The following CSMD1 variants were observed in gnomAD, a reference collection of about 807,000 sequenced individuals.
CSMD1 encodes CUB and sushi domain-containing protein 1.
A neutral mutation model predicts 417.5 loss-of-function variants in CSMD1; 213 were observed. That is an observed-to-expected ratio of 0.51 (90% confidence interval 0.46 to 0.57). The LOEUF is 0.57. CSMD1 is among the 20% of genes least tolerant of loss of function. The pLI, the probability that CSMD1 is intolerant of heterozygous loss-of-function variation, is 0.00. For synonymous variants in CSMD1, 2,862 were observed against 1,736.8 expected, an observed-to-expected ratio of 1.65 and a Z score of -16.11; for missense variants, 6,923 against 4,529.7, an observed-to-expected ratio of 1.53 and a Z score of -15.17.
At position 4,724,456 on chromosome 8, in the gene CSMD1, A is replaced by G. The variant is rs566763620; in HGVS notation, c.86-86898T>C. On this transcript the variant is annotated intron_variant, in intron 1 of 69. Coordinates refer to ENST00000635120, the MANE Select transcript of CSMD1 (RefSeq NM_033225.6). ...TAACAGATTCAAATATAATATTTAC[A>G]TTACTTATAAGTAGCTGGGAGTTCA... Among the ~76,000 whole-genome samples the G allele has an allele frequency of 1.5e-3, 227 of 152,080 alleles. 7 individuals are homozygous for G. The South Asian group carries it at 0.041, about 27-fold the overall frequency.
At chr8:3,094,905 CTCTG>C (rs1815193912) in intron 47 of CSMD1, among the ~76,000 whole-genome samples, 1 of 150,734 alleles carries the variant, frequency 6.6e-6, no homozygotes, top group Non-Finnish European at 1.5e-5. Context: ...TCACATAAAA[CTCTG>C]ACCTTTCACT....
intron 3 of CSMD1, among the ~76,000 whole-genome samples, chr8:4,312,161 C>T (rs79175261): frequency 0.024 from 3,687 of 151,850 alleles, 95 homozygotes; most frequent in African/African-American, 0.071. Context: ...ACGCTTCCTA[C>T]GTGCATTTAG....
chr8:3,620,360 T>C (rs1435381676), intron 7 of CSMD1, among the ~76,000 whole-genome samples: 1 of 152,066 alleles, frequency 6.6e-6, no homozygotes, highest in Non-Finnish European at 1.5e-5. Context: ...CTAGTACAGG[T>C]AAATACATGA....
intron 3 of CSMD1, among the ~76,000 whole-genome samples, chr8:4,360,134 T>A (rs1375999840): frequency 2.6e-5 from 4 of 152,140 alleles, no homozygotes; most frequent in Non-Finnish European, 5.9e-5. Flanking sequence ...GGTTTGGCTG[T>A]GAGGATGATC....
intron 5 of CSMD1, among the ~76,000 whole-genome samples, chr8:3,992,270 C>T (rs1342692614): frequency 1.3e-5 from 2 of 151,924 alleles, no homozygotes; most frequent in South Asian, 2.1e-4. Flanking sequence ...TTTCATGAAC[C>T]AGCATAACTT....
chr8:4,942,815 G>A (rs1585377381), intron 1 of CSMD1, among the ~76,000 whole-genome samples: 1 of 152,208 alleles, frequency 6.6e-6, no homozygotes, highest in Admixed American at 6.5e-5. Flanking sequence ...AAATGAAGCT[G>A]TGATAATAGG....
intron 39 of CSMD1, among the ~76,000 whole-genome samples, chr8:3,155,574 A>C (rs965958509): frequency 2.6e-5 from 4 of 151,404 alleles, no homozygotes; most frequent in African/African-American, 9.7e-5. Flanking sequence ...TTACCGTGTT[A>C]GCCAGGATGG....
chr8:4,759,883 G>C (rs908592963), intron 1 of CSMD1, among the ~76,000 whole-genome samples: 5 of 152,178 alleles, frequency 3.3e-5, no homozygotes, highest in Admixed American at 1.3e-4. Flanking sequence ...AGGCATGCAT[G>C]TGTATTTATA....
Position 4,350,230 on chromosome 8 carries a change from C to T in CSMD1, c.415+69723G>A, listed in dbSNP as rs554970888. Among the ~76,000 whole-genome samples, 13 of 152,198 alleles carry T rather than the reference C, an allele frequency of 8.5e-5. No homozygotes were observed. In the South Asian group the frequency reaches 2.7e-3, roughly 32 times the overall value. On this transcript the variant is annotated intron_variant, in intron 3 of 69. Transcript: ENST00000635120. ...GCTCTGTCAAGCGTCCAGGCACCTG[C>T]CTGAAGCCTAAGTCTCAACAACTGG...
Position 4,031,941 on chromosome 8 carries a change from C to T in CSMD1, c.574G>A (p.Gly192Ser). ...GGAGCTGGGAAGTCCCACGATGCAC[C>T]ATTTCCTGGGCTGACGATGCAGGTC... ...ILTCIVSPGN[G>S]ASWDFPAPFC... Residue 192 changes from glycine (G) to serine (S), a missense_variant, in exon 4 of 70, where the codon GGT (glycine) becomes AGT (serine). Coordinates refer to ENST00000635120, the MANE Select transcript of CSMD1 (RefSeq NM_033225.6). The T allele has an allele frequency of 6.2e-7, 1 of 1,613,894 alleles. No individual in the cohort carries two copies.
chr8:3,558,523 C>T (rs1377372817), intron 10 of CSMD1, among the ~76,000 whole-genome samples: 1 of 150,098 alleles, frequency 6.7e-6, no homozygotes, highest in Middle Eastern at 3.5e-3. Context: ...CCCATGTCGA[C>T]TCCTCCAACG....
At chr8:3,728,164 C>A (rs1002157426) in intron 6 of CSMD1, among the ~76,000 whole-genome samples, 1 of 152,176 alleles carries the variant, frequency 6.6e-6, no homozygotes, top group Non-Finnish European at 1.5e-5. Flanking sequence ...ATCATGGGTG[C>A]TGTTGCCCCC....
intron 5 of CSMD1, among the ~76,000 whole-genome samples, chr8:3,754,874 C>G (rs989784917): frequency 6.6e-6 from 1 of 152,078 alleles, no homozygotes; most frequent in African/African-American, 2.4e-5. Flanking sequence ...GCCTTTCCTA[C>G]CAAAGTAAAG....
chr8:4,151,307 G>C (rs188187195), intron 3 of CSMD1, among the ~76,000 whole-genome samples: 3 of 152,154 alleles, frequency 2.0e-5, no homozygotes, highest in Non-Finnish European at 1.5e-5. Flanking sequence ...CCTTGTTATA[G>C]ATCCTAAGAT....
intron 1 of CSMD1, among the ~76,000 whole-genome samples, chr8:4,818,897 A>G (rs1799361692): frequency 6.6e-6 from 1 of 152,252 alleles, no homozygotes; most frequent in South Asian, 2.1e-4. Flanking sequence ...AGTTCAGTTT[A>G]AGTGGTGAGA....
At chr8:4,854,406 C>A (rs554389419) in intron 1 of CSMD1, among the ~76,000 whole-genome samples, 3 of 151,986 alleles carry the variant, frequency 2.0e-5, no homozygotes, top group South Asian at 2.1e-4. Flanking sequence ...CACTCCGGAT[C>A]GAGCCAAGAT....
chr8:3,907,890 A>C (rs151253277), intron 5 of CSMD1, among the ~76,000 whole-genome samples: 1 of 152,276 alleles, frequency 6.6e-6, no homozygotes, highest in East Asian at 1.9e-4. Context: ...TCTTGAGAAT[A>C]TTTCAGGGAT....
intron 1 of CSMD1, among the ~76,000 whole-genome samples, chr8:4,643,780 T>C (rs1280186212): frequency 6.6e-6 from 1 of 152,190 alleles, no homozygotes; most frequent in Non-Finnish European, 1.5e-5. Flanking sequence ...GTCTGCATTA[T>C]GGGGAAAATA....
chr8:4,402,097 C>G (rs1370311176), intron 3 of CSMD1, among the ~76,000 whole-genome samples: 3 of 152,106 alleles, frequency 2.0e-5, no homozygotes, highest in African/African-American at 7.2e-5. Flanking sequence ...ACCTCCTCCC[C>G]TTCCGATGAA....
Sources: allele counts gnomAD v4.1 joint callset (sites outside exome capture counted in the v4.1 genomes callset), GRCh38; gene constraint gnomAD v4.1.1; transcripts MANE v1.5; gene names NCBI Gene and HGNC (gene_info 2026-07-23, HGNC 2026-07-21).